The following RALGAPA2 variants were observed in gnomAD, a reference collection of about 807,000 sequenced individuals.
The protein encoded by RALGAPA2 is ral GTPase-activating protein subunit alpha-2.
RALGAPA2 carries 139 observed loss-of-function variants against 230.4 expected under a neutral mutation model. That is an observed-to-expected ratio of 0.60 (90% CI 0.53 to 0.69). The LOEUF (loss-of-function observed/expected upper bound fraction) is 0.69. Among genes scored for constraint, RALGAPA2 ranks in the 30% least tolerant of loss-of-function variants. RALGAPA2 has a pLI of 0.00. For missense variants in RALGAPA2, 2,163 were observed against 2,276.0 expected, an observed-to-expected ratio of 0.95 and a Z score of 1.01; for synonymous variants, 847 against 837.8, an observed-to-expected ratio of 1.01 and a Z score of -0.19.
chr20:20,622,479 T>A (rs1441411782), intron 10 of RALGAPA2, among the ~76,000 whole-genome samples: 1 of 152,282 alleles, frequency 6.6e-6, no homozygotes, highest in East Asian at 1.9e-4. Context: ...AAGATGTATT[T>A]CCTCCAAAGG....
intron 37 of RALGAPA2, among the ~76,000 whole-genome samples, chr20:20,455,405 C>T (rs2061091180): frequency 6.6e-6 from 1 of 152,178 alleles, no homozygotes; most frequent in Admixed American, 6.5e-5. Flanking sequence ...CACTAAAGAG[C>T]TGGGGGATCG....
At chr20:20,616,231 C>T in intron 12 of RALGAPA2, 40 bp from the exon 13 acceptor site, 1 of 1,351,464 alleles carries the variant, frequency 7.4e-7, no homozygotes, top group Non-Finnish European at 9.8e-7. Context: ...TATAACTGAA[C>T]ATAAACATTT....
intron 37 of RALGAPA2, among the ~76,000 whole-genome samples, chr20:20,423,105 C>T (rs543259407): frequency 1.3e-5 from 2 of 152,146 alleles, no homozygotes; most frequent in African/African-American, 2.4e-5. Flanking sequence ...ACTTGGGGTG[C>T]TCACCAATGG....
At chr20:20,679,991 C>T (rs2068464290) in intron 2 of RALGAPA2, among the ~76,000 whole-genome samples, 1 of 152,208 alleles carries the variant, frequency 6.6e-6, no homozygotes, top group Admixed American at 6.5e-5. Context: ...GCAGCTACTA[C>T]TTACTGACCA....
At chr20:20,505,152 G>A in intron 34 of RALGAPA2, 1 of 985,362 alleles carries the variant, frequency 1.0e-6, no homozygotes. Flanking sequence ...ATGTCTGGGA[G>A]AGCCCATCTG....
intron 23 of RALGAPA2, among the ~76,000 whole-genome samples, chr20:20,566,622 C>G (rs2064435453): frequency 6.6e-6 from 1 of 152,132 alleles, no homozygotes; most frequent in South Asian, 2.1e-4. Context: ...TATCCATGAT[C>G]CAGACTGAAT....
At position 20,573,014 on chromosome 20, in the gene RALGAPA2, G is replaced by C. The variant is rs1336192966; in HGVS notation, c.2762C>G (p.Thr921Ser). 6.2e-7 allele frequency: 1 copy of C among 1,610,744 alleles called. No individual in the cohort carries two copies. The highest frequency in any genetic ancestry group is 2.2e-5 in the East Asian group (1 of 44,740). The change falls in exon 21 of 40, where the codon ACT becomes AGT. Residue 921 changes from threonine (T) to serine (S), a missense_variant. Coordinates refer to ENST00000202677, the MANE Select transcript of RALGAPA2 (RefSeq NM_020343.4). ...DCSIIAGGSL[T>S]GWHPDSAAVL... ...AGCAGCAGAGTCTGGGTGCCAACCA[G>C]TGAGGCTCCCCCCGGCGATTATACT...
chr20:20,653,318 AACTAT>A (rs1274238919), intron 4 of RALGAPA2, among the ~76,000 whole-genome samples: 5 of 151,994 alleles, frequency 3.3e-5, no homozygotes, highest in African/African-American at 1.2e-4. Flanking sequence ...CTGGCCTATG[AACTAT>A]ACTCTAAGGA....
chr20:20,586,340 A>G (rs1189516385), intron 18 of RALGAPA2, among the ~76,000 whole-genome samples: 1 of 152,248 alleles, frequency 6.6e-6, no homozygotes, highest in African/African-American at 2.4e-5. Context: ...CCAGGATTAA[A>G]GTAGCACTCT....
At chr20:20,652,912 C>A (rs891447351) in intron 4 of RALGAPA2, among the ~76,000 whole-genome samples, 3 of 152,124 alleles carry the variant, frequency 2.0e-5, no homozygotes, top group Non-Finnish European at 4.4e-5. Flanking sequence ...ATTCTCTTGG[C>A]TGGGCACGGT....
intron 9 of RALGAPA2, among the ~76,000 whole-genome samples, chr20:20,631,988 G>C (rs1603132489): frequency 6.6e-6 from 1 of 151,752 alleles, no homozygotes; most frequent in Admixed American, 6.6e-5. Context: ...GTTTTGTGGA[G>C]GACAATCATG....
At chr20:20,470,854 A>C (rs748402168) in intron 37 of RALGAPA2, 2 of 152,194 alleles carry the variant, frequency 1.3e-5, no homozygotes, top group Non-Finnish European at 2.9e-5. Context: ...GACAGAAATT[A>C]AAAGAATAGA....
At chr20:20,617,059 C>G (rs1370513113) in intron 12 of RALGAPA2, among the ~76,000 whole-genome samples, 1 of 152,212 alleles carries the variant, frequency 6.6e-6, no homozygotes, top group Admixed American at 6.5e-5. Flanking sequence ...AGTGTCCCAT[C>G]ATCTGCAGAT....
chr20:20,501,754 C>T (rs2062383715), intron 35 of RALGAPA2, among the ~76,000 whole-genome samples: 1 of 152,182 alleles, frequency 6.6e-6, no homozygotes, highest in Non-Finnish European at 1.5e-5. Context: ...GCCTTCTAAT[C>T]ATTCCTAGCT....
chr20:20,519,059 C>T (rs948703019), intron 31 of RALGAPA2, among the ~76,000 whole-genome samples: 1 of 152,008 alleles, frequency 6.6e-6, no homozygotes, highest in African/African-American at 2.4e-5. Flanking sequence ...GAAAATGAAC[C>T]ATGTACCATC....
chr20:20,689,995 C>T (rs1404354827), intron 1 of RALGAPA2, among the ~76,000 whole-genome samples: 1 of 152,092 alleles, frequency 6.6e-6, no homozygotes, highest in Non-Finnish European at 1.5e-5. Flanking sequence ...CCACTACCCC[C>T]CTCATCTCTG....
chr20:20,409,040 T>C (rs1239167681), intron 38 of RALGAPA2, among the ~76,000 whole-genome samples: 1 of 152,200 alleles, frequency 6.6e-6, no homozygotes, highest in Non-Finnish European at 1.5e-5. Context: ...AGCGCTCATA[T>C]ATTAGCAGCT....
At chr20:20,675,599 C>T (rs1269920768) in intron 3 of RALGAPA2, among the ~76,000 whole-genome samples, 2 of 152,254 alleles carry the variant, frequency 1.3e-5, no homozygotes, top group Admixed American at 6.5e-5. Context: ...CGTAATCTGG[C>T]CACTTATCTA....
chr20:20,536,202 G>C (rs2063494592), intron 25 of RALGAPA2, among the ~76,000 whole-genome samples: 1 of 152,218 alleles, frequency 6.6e-6, no homozygotes, highest in South Asian at 2.1e-4. Flanking sequence ...AAAGTCAGCT[G>C]AGGAGAGAAC....
Sources: gnomAD v4.1 joint callset for allele counts (sites outside exome capture counted in the v4.1 genomes callset) on GRCh38, gnomAD v4.1.1 for gene constraint, MANE v1.5 for transcripts, NCBI Gene and HGNC (gene_info 2026-07-23, HGNC 2026-07-21) for gene names.